The following LCMT1 variants were observed in gnomAD, a reference collection of about 807,000 sequenced individuals.
LCMT1 encodes the protein leucine carboxyl methyltransferase 1, also known as [Phosphatase 2A protein]-leucine-carboxy methyltransferase 1.
A neutral mutation model predicts 47.7 loss-of-function variants in LCMT1; 32 were observed. That is an observed-to-expected ratio of 0.67 (90% CI 0.51 to 0.90). The LOEUF is 0.90. LCMT1 is among the 40% of genes least tolerant of loss of function. LCMT1 has a pLI of 0.00. For missense variants in LCMT1, 375 were observed against 415.2 expected, an observed-to-expected ratio of 0.90 and a Z score of 0.84; for synonymous variants, 152 against 149.7, an observed-to-expected ratio of 1.02 and a Z score of -0.11.
chr16:25,139,199 G>A (rs1023075014), intron 3 of LCMT1, among the ~76,000 whole-genome samples: 2 of 152,094 alleles, frequency 1.3e-5, no homozygotes, highest in East Asian at 1.9e-4. Context: ...CGTGAGCCAC[G>A]GGTGCCCGGC....
intron 4 of LCMT1, chr16:25,145,340 A>G (rs1354196067): frequency 6.6e-6 from 1 of 152,208 alleles, no homozygotes; most frequent in Non-Finnish European, 1.5e-5. Context: ...TATTGTAATA[A>G]AAGTCCCATT....
At position 25,111,862 on chromosome 16, in the gene LCMT1, G is replaced by T. The variant is rs758225580; in HGVS notation, c.-22G>T. 6.5e-7 allele frequency: 1 copy of T among 1,542,732 alleles called. No homozygotes were observed. Among genetic ancestry groups the T allele is most frequent in the Middle Eastern group, 1.7e-4 (1 of 5,916 alleles). ...CGCTTCCATGTCCCTGGCGGACACAGCTCCCAGGAACCTCCACGCCCATGG... is the reference window on the plus strand; with the variant it reads ...CGCTTCCATGTCCCTGGCGGACACATCTCCCAGGAACCTCCACGCCCATGG... On this transcript the variant is annotated 5_prime_UTR_variant, in exon 1 of 11. Transcript: ENST00000399069.
At chr16:25,128,640 G>T in intron 2 of LCMT1, 74 bp downstream of exon 2, 2 of 1,112,196 alleles carry the variant, frequency 1.8e-6, no homozygotes, top group Non-Finnish European at 2.7e-6. Flanking sequence ...CTTGAAGGAA[G>T]TCGTGGTGTG....
intron 3 of LCMT1, among the ~76,000 whole-genome samples, chr16:25,133,162 A>G (rs1035558440): frequency 2.0e-5 from 3 of 151,948 alleles, no homozygotes; most frequent in South Asian, 2.1e-4. Flanking sequence ...CGCCCAGCCT[A>G]TATTTGTAAT....
chr16:25,173,912 A>T (rs1291351381), intron 9 of LCMT1, among the ~76,000 whole-genome samples: 1 of 151,770 alleles, frequency 6.6e-6, no homozygotes, highest in Non-Finnish European at 1.5e-5. Context: ...GTATATAGTT[A>T]TTTATTTTTA....
chr16:25,135,732 T>G (rs942326454), intron 3 of LCMT1, among the ~76,000 whole-genome samples: 2 of 152,086 alleles, frequency 1.3e-5, no homozygotes, highest in African/African-American at 2.4e-5. Flanking sequence ...ACTGTACAGT[T>G]AAAGACTCCC....
chr16:25,145,971 C>T (rs1960837679), intron 4 of LCMT1: 1 of 152,316 alleles, frequency 6.6e-6, no homozygotes, highest in African/African-American at 2.4e-5. Flanking sequence ...CTGGCTCTGC[C>T]TCTACCTGCA....
rs777633496 is a variant in LCMT1, at chr16:25,155,740, A to C, written c.466+4125A>C. Among the ~76,000 whole-genome samples the C allele has an allele frequency of 2.1e-4, 32 of 149,592 alleles. 1 individual carries two copies. Among genetic ancestry groups the C allele is most frequent in the Admixed American group, 4.0e-4 (6 of 14,920 alleles). On this transcript the variant is annotated intron_variant, in intron 5 of 10. Coordinates refer to ENST00000399069, the MANE Select transcript of LCMT1 (RefSeq NM_016309.3). Reference sequence around the variant, plus strand: ...TGCTCAGGCTGGAGGACAGTGGTGCAATTGGTCACAGCTCACTGCAGCCTT... The same window carrying C: ...TGCTCAGGCTGGAGGACAGTGGTGCCATTGGTCACAGCTCACTGCAGCCTT...
chr16:25,165,290 C>A (rs1304848018), intron 7 of LCMT1, among the ~76,000 whole-genome samples: 1 of 152,194 alleles, frequency 6.6e-6, no homozygotes, highest in African/African-American at 2.4e-5. Flanking sequence ...GTATGATTTA[C>A]CAGCTGCCTG....
At chr16:25,130,931 A>G (rs1030647417) in intron 2 of LCMT1, among the ~76,000 whole-genome samples, 2 of 152,212 alleles carry the variant, frequency 1.3e-5, no homozygotes, top group African/African-American at 4.8e-5. Flanking sequence ...CAGGAAAGGT[A>G]GTCATTCAGC....
At position 25,154,748 on chromosome 16, in the gene LCMT1, A is replaced by G. The variant is rs901124204; in HGVS notation, c.466+3133A>G. 5.3e-5 allele frequency among the ~76,000 whole-genome samples: 8 copies of G among 151,952 alleles called. No homozygotes were observed. In the East Asian group the frequency reaches 7.7e-4, roughly 15 times the overall value. ...CGTGATCCACCGGCCTCGGCCTCCC[A>G]AAGTGCGGGATTATAGGTGTGAGCC... On this transcript the variant is annotated intron_variant, in intron 5 of 10. Coordinates refer to ENST00000399069, the MANE Select transcript of LCMT1 (RefSeq NM_016309.3).
intron 1 of LCMT1, among the ~76,000 whole-genome samples, chr16:25,118,757 T>C (rs1959877562): frequency 6.6e-6 from 1 of 152,004 alleles, no homozygotes. Context: ...AGAAAGGTCC[T>C]GAGGCAGGAG....
In LCMT1 at chr16:25,134,737, A is replaced by T. The variant is rs557857823; in HGVS notation, c.327+2214A>T. Among the ~76,000 whole-genome samples the T allele has an allele frequency of 4.6e-5, 7 of 152,282 alleles. No homozygotes were observed. In the East Asian group the frequency reaches 9.6e-4, roughly 21 times the overall value. On this transcript the variant is annotated intron_variant, in intron 3 of 10. Coordinates refer to ENST00000399069, the MANE Select transcript of LCMT1 (RefSeq NM_016309.3). ...TGTCTCAGCCTCCCCAGTAGTTGGG[A>T]TTACAGGCGTTCACCACCATGCACA...
chr16:25,149,714 G>C (rs182661844), intron 4 of LCMT1, among the ~76,000 whole-genome samples: 2 of 152,212 alleles, frequency 1.3e-5, no homozygotes, highest in East Asian at 3.9e-4. Flanking sequence ...AGGAGTTCGA[G>C]ACCAGCCCAG....
intron 5 of LCMT1, among the ~76,000 whole-genome samples, chr16:25,153,159 C>T (rs766613053): frequency 1.6e-4 from 25 of 152,220 alleles, no homozygotes; most frequent in Non-Finnish European, 2.8e-4. Context: ...ATTCTTCCAA[C>T]CTCTACCCAT....
intron 1 of LCMT1, among the ~76,000 whole-genome samples, chr16:25,119,179 T>C (rs1432524193): frequency 6.6e-6 from 1 of 152,092 alleles, no homozygotes; most frequent in African/African-American, 2.4e-5. Context: ...GCAGAGTGGA[T>C]GTGGGGCAAG....
chr16:25,155,676 C>CTTTCT (rs1961232064), intron 5 of LCMT1, among the ~76,000 whole-genome samples: 3 of 140,498 alleles, frequency 2.1e-5, no homozygotes, highest in Non-Finnish European at 3.1e-5. Context: ...TTCTTTCTTT[C>CTTTCT]TTTTTTTTTT....
At chr16:25,164,488 T>C in intron 6 of LCMT1, 110 bp from the exon 7 acceptor site, 1 of 1,345,228 alleles carries the variant, frequency 7.4e-7, no homozygotes, top group Non-Finnish European at 1.0e-6. Flanking sequence ...TCAGGCCTTC[T>C]GAGTTCCCTG....
chr16:25,132,599 A>G (rs150901186), intron 3 of LCMT1, 76 bp downstream of exon 3: 8 of 1,496,920 alleles, frequency 5.3e-6, no homozygotes, highest in Admixed American at 3.7e-5. Context: ...TTCGAAATGT[A>G]AACATATATT....
Sources: gnomAD v4.1 joint callset for allele counts (sites outside exome capture counted in the v4.1 genomes callset) on GRCh38, gnomAD v4.1.1 for gene constraint, MANE v1.5 for transcripts, NCBI Gene and HGNC (gene_info 2026-07-23, HGNC 2026-07-21) for gene names.